The following PNO1 variants were observed in gnomAD, a reference collection of about 807,000 sequenced individuals.
The protein encoded by PNO1 is RNA-binding protein PNO1.
Under a neutral mutation model 28.4 loss-of-function variants are expected in PNO1, and 16 were observed. The observed-to-expected ratio is 0.56, with a 90% CI of 0.38 to 0.85. The LOEUF is 0.85. Among genes scored for constraint, PNO1 ranks in the 40% least tolerant of loss-of-function variants. The pLI is 0.00. For synonymous variants in PNO1, 115 were observed against 110.8 expected (o/e 1.04, Z -0.24); for missense variants, 304 against 312.2 (o/e 0.97, Z 0.20).
At chr2:68,173,290 T>A in intron 5 of PNO1, 57 bp from the exon 6 acceptor site, 1 of 1,045,242 alleles carries the variant, frequency 9.6e-7, no homozygotes, top group Non-Finnish European at 1.5e-6. Flanking sequence ...GTGCTGGGAT[T>A]ACAGGTGTGA....
In PNO1 at chr2:68,158,457, A is replaced by G. The variant is rs1673732879; in HGVS notation, c.285A>G (p.Ile95Met). 1.2e-6 allele frequency: 2 copies of G among 1,613,098 alleles called. No individual in the cohort carries two copies. Among genetic ancestry groups the G allele is most frequent in the Non-Finnish European group, 1.7e-6 (2 of 1,179,176 alleles). Residue 95 changes from isoleucine (I) to methionine (M), a missense_variant, in exon 2 of 7, where the codon ATA (isoleucine) becomes ATG (methionine). Ile to Met is a conservative substitution (Grantham distance 10). Transcript: ENST00000263657. ...CATTGAAAGAAAACTGGATGAAGAT[A>G]TTTACTCCTATTGTGGAACATTTGG... ...YTPLKENWMK[I>M]FTPIVEHLGL...
intron 5 of PNO1, among the ~76,000 whole-genome samples, chr2:68,166,432 T>C (rs1431401638): frequency 6.6e-6 from 1 of 152,148 alleles, no homozygotes; most frequent in Non-Finnish European, 1.5e-5. Context: ...AGAGAAAATC[T>C]ATCTACTCTT....
At chr2:68,172,282 G>GAGGC (rs1263367063) in intron 5 of PNO1, among the ~76,000 whole-genome samples, 2,805 of 152,250 alleles carry the variant, frequency 0.018, 93 homozygotes, top group African/African-American at 0.063. Context: ...AAGCCAAAGG[G>GAGGC]TTTTTAGGGA....
At chr2:68,173,580 T>A (rs967945281) in intron 6 of PNO1, among the ~76,000 whole-genome samples, 163 bp downstream of exon 6, 4 of 145,798 alleles carry the variant, frequency 2.7e-5, no homozygotes, top group Non-Finnish European at 6.0e-5. Context: ...AGTAGAATTT[T>A]TTTTTTTTTT....
At chr2:68,158,617 C>A in intron 2 of PNO1, 88 bp downstream of exon 2, 1 of 1,177,394 alleles carries the variant, frequency 8.5e-7, no homozygotes, top group Non-Finnish European at 1.2e-6. Flanking sequence ...CTTAATGGGA[C>A]TTTTCTGTTG....
intron 2 of PNO1, 88 bp downstream of exon 2, chr2:68,158,617 C>G: frequency 8.5e-7 from 1 of 1,177,398 alleles, no homozygotes; most frequent in Non-Finnish European, 1.2e-6. Context: ...CTTAATGGGA[C>G]TTTTCTGTTG....
intron 4 of PNO1, 22 bp from the exon 5 acceptor site, chr2:68,162,524 A>C (rs375180708): frequency 8.5e-6 from 13 of 1,523,614 alleles, no homozygotes; most frequent in South Asian, 1.1e-5. Flanking sequence ...TTGCCTCCTG[A>C]GATCTTGCTT....
At chr2:68,161,461 T>A (rs984063204) in intron 2 of PNO1, 2 of 530,544 alleles carry the variant, frequency 3.8e-6, no homozygotes, top group Middle Eastern at 6.6e-4. Flanking sequence ...TATTTGACAC[T>A]CTTTGGGTGG....
chr2:68,174,522 A>G (rs1247618174), intron 6 of PNO1, among the ~76,000 whole-genome samples: 1 of 152,146 alleles, frequency 6.6e-6, no homozygotes, highest in Non-Finnish European at 1.5e-5. Context: ...TTTGCATTGT[A>G]TTAGGTATTA....
chr2:68,158,230 G>C (rs1380328349), intron 1 of PNO1, 89 bp downstream of exon 1: 2 of 1,418,808 alleles, frequency 1.4e-6, no homozygotes, highest in African/African-American at 2.9e-5. Context: ...AAGCTGCGGT[G>C]GGGCTGTTCT....
In PNO1 at chr2:68,158,389, G is replaced by A. The variant is rs759371692; in HGVS notation, c.217G>A (p.Glu73Lys). 3 of 1,610,618 alleles carry A rather than the reference G, an allele frequency of 1.9e-6. No homozygotes were observed. The highest frequency in any genetic ancestry group is 2.2e-5 in the South Asian group (2 of 90,522). ...GTTCTTTTATTTACAGAGTGGGAAA[G>A]AAGAAACAAGGAAAATTCCAGTCCC... ...LCGDGLLSGK[E>K]ETRKIPVPAN... The change falls in exon 2 of 7, where the codon GAA becomes AAA. Residue 73 changes from glutamate to lysine, a missense_variant. Glu to Lys is a moderately conservative substitution (Grantham distance 56). Transcript: ENST00000263657.
chr2:68,161,703 T>C lies in PNO1; in HGVS notation c.378T>C (p.Asp126=), dbSNP rs1218824114. The change falls in exon 3 of 7, where the codon GAT becomes GAC. Residue 126 remains aspartate, a synonymous_variant. Transcript: ENST00000263657. The stretch of plus-strand genomic sequence containing the variant: ...AACAGACTTGTAAAGAAACCAAGGA[T>C]GTTAGTGCTCTGACAAAAGCAGCTG... ...VEIRTCKETK[D]VSALTKAADF... 1 of 1,611,922 alleles carries C rather than the reference T, an allele frequency of 6.2e-7. No homozygotes were observed. The highest frequency in any genetic ancestry group is 1.1e-5 in the South Asian group (1 of 91,000).
chr2:68,173,258 C>G, intron 5 of PNO1, 89 bp from the exon 6 acceptor site: 1 of 793,174 alleles, frequency 1.3e-6, no homozygotes, highest in Non-Finnish European at 2.2e-6. Flanking sequence ...CACAAATGAT[C>G]TACCTGCCTT....
In PNO1 at chr2:68,161,647, C is replaced by T. The variant is rs564356358; in HGVS notation, c.358-36C>T. ...GTTAGGACATTTTCTGTTTGATTCT[C>T]AACGGTATTTTGTACCCTTTTTTGT... On this transcript the variant is annotated intron_variant, in intron 2 of 6. Coordinates refer to ENST00000263657, the MANE Select transcript of PNO1 (RefSeq NM_020143.4). 122 of 1,259,346 alleles carry T rather than the reference C, an allele frequency of 9.7e-5. No individual in the cohort carries two copies. In the South Asian group the frequency reaches 1.4e-3, roughly 15 times the overall value. The allele number at this position is 1,259,346 out of a possible 1,614,324, so 78.0% of individuals were successfully genotyped here.
chr2:68,159,965 T>TC (rs70949675), intron 2 of PNO1, among the ~76,000 whole-genome samples: 1 of 70,910 alleles, frequency 1.4e-5, no homozygotes, highest in Non-Finnish European at 2.7e-5. Flanking sequence ...CAAAAAAAAA[T>TC]TTTTTTTTTT....
In PNO1 at chr2:68,157,924, G is replaced by A. The variant is rs375137424; in HGVS notation, c.-11G>A. On this transcript the variant is annotated 5_prime_UTR_variant, in exon 1 of 7. Transcript: ENST00000263657. Reference sequence around the variant, plus strand: ...CGTGTTTCAGCCGGCAGCGCTTTAAGATTTCCGGGGATGGAATCCGAAATG... The same window carrying A: ...CGTGTTTCAGCCGGCAGCGCTTTAAAATTTCCGGGGATGGAATCCGAAATG... The A allele has an allele frequency of 1.9e-6, 3 of 1,613,252 alleles. No individual in the cohort carries two copies. In the East Asian group the frequency reaches 6.7e-5, roughly 36 times the overall value.
At chr2:68,170,033 A>T (rs529712744) in intron 5 of PNO1, among the ~76,000 whole-genome samples, 14 of 152,326 alleles carry the variant, frequency 9.2e-5, no homozygotes, top group Non-Finnish European at 2.1e-4. Context: ...TTACAAACTG[A>T]ATTACAGACT....
At position 68,176,079 on chromosome 2, in the gene PNO1, C is replaced by G. The variant is rs1674275304; in HGVS notation, c.*1277C>G. 1 of 152,136 alleles carries G rather than the reference C, an allele frequency of 6.6e-6. No individual in the cohort carries two copies. The highest frequency in any genetic ancestry group is 1.5e-5 in the Non-Finnish European group (1 of 68,016). The allele number at this position is 152,136 out of a possible 1,614,324, so 9.4% of individuals were successfully genotyped here. A position where few individuals can be genotyped will look rare whatever the true frequency, so the allele number is the denominator to read the frequency against. On this transcript the variant is annotated 3_prime_UTR_variant, in exon 7 of 7. Transcript: ENST00000263657. ...AGTAAGAACCATCATAAGTCTGTTTCTTCTAGTAAAGGTGAAATGATGAAA... is the reference window on the plus strand; with the variant it reads ...AGTAAGAACCATCATAAGTCTGTTTGTTCTAGTAAAGGTGAAATGATGAAA...
At chr2:68,159,254 A>ATGTGTGTGTG (rs71825244) in intron 2 of PNO1, among the ~76,000 whole-genome samples, 1 of 150,128 alleles carries the variant, frequency 6.7e-6, no homozygotes, top group Non-Finnish European at 1.5e-5. Context: ...ATGCATATAT[A>ATGTGTGTGTG]TGTGTGTGTG....
Sources: allele counts gnomAD v4.1 joint callset (sites outside exome capture counted in the v4.1 genomes callset), GRCh38; gene constraint gnomAD v4.1.1; transcripts MANE v1.5; gene names NCBI Gene and HGNC (gene_info 2026-07-23, HGNC 2026-07-21).